Variants in VGLL4 observed in about 807,000 individuals in gnomAD.
The protein encoded by VGLL4 is vestigial like family member 4.
A neutral mutation model predicts 21.0 loss-of-function variants in VGLL4; 7 were observed. The observed-to-expected ratio is 0.33, with a 90% CI of 0.19 to 0.63. The LOEUF is 0.63. Ranked by LOEUF, VGLL4 falls within the 20% of genes least tolerant of loss-of-function variation. The probability of loss-of-function intolerance (pLI) is 0.78; values close to 1 mark genes in which losing one functional copy is unlikely to be tolerated. For synonymous variants in VGLL4, 222 were observed against 173.2 expected (o/e 1.28, Z -2.21); for missense variants, 394 against 425.7 (o/e 0.93, Z 0.66).
At position 11,686,855 on chromosome 3, in the gene VGLL4, G is replaced by T. The variant is rs570098885; in HGVS notation, c.64+16116C>A. On this transcript the variant is annotated intron_variant, in intron 2 of 5. Coordinates refer to the VGLL4 transcript ENST00000273038. Reference sequence around the variant, plus strand: ...AATCCATTGGTGGTTCCTAAAATAGGTTGAATAGATTATAACCACCATTAT... The same window carrying T: ...AATCCATTGGTGGTTCCTAAAATAGTTTGAATAGATTATAACCACCATTAT... Among the ~76,000 whole-genome samples, 5 of 152,194 alleles carry T rather than the reference G, an allele frequency of 3.3e-5. No homozygotes were observed. The East Asian group carries it at 9.7e-4, about 29-fold the overall frequency.
chr3:11,570,939 C>T lies in VGLL4; in HGVS notation c.273-5920G>A, dbSNP rs535459886. ...TGAGCAACAAGGTGCCTGGGTGTGT[C>T]CCCAAGACATCCTGGTCAAGCTGCG... On this transcript the variant is annotated intron_variant, in intron 2 of 4. Coordinates refer to ENST00000430365, the MANE Select transcript of VGLL4 (RefSeq NM_001128219.3). 3.3e-4 allele frequency among the ~76,000 whole-genome samples: 51 copies of T among 152,298 alleles called. 2 individuals are homozygous for T. In the Middle Eastern group the frequency reaches 0.02, roughly 61 times the overall value.
At chr3:11,707,063 C>T (rs2076770778) in intron 1 of VGLL4, among the ~76,000 whole-genome samples, 1 of 151,904 alleles carries the variant, frequency 6.6e-6, no homozygotes, top group African/African-American at 2.4e-5. Context: ...CGCCTATAGT[C>T]CCAGCACTTT....
At chr3:11,559,245 C>T in intron 4 of VGLL4, 87 bp downstream of exon 4, 2 of 1,452,364 alleles carry the variant, frequency 1.4e-6, no homozygotes, top group Non-Finnish European at 9.1e-7. Context: ...GGCTCAGGGG[C>T]GAGAGGTTTC....
chr3:11,601,714 T>C, intron 2 of VGLL4, 119 bp downstream of exon 2: 3 of 1,241,810 alleles, frequency 2.4e-6, no homozygotes, highest in Non-Finnish European at 2.3e-6. Flanking sequence ...CTTTTGTAAA[T>C]AATATCCTTT....
Position 11,586,640 on chromosome 3 carries a change from G to C in VGLL4, c.272+15193C>G, listed in dbSNP as rs553761877. On this transcript the variant is annotated intron_variant, in intron 2 of 4. Transcript: ENST00000430365. ...TAAGCTAGAGGTGACTTAAGTATACGAGAGGATTTCCATAGGTTATCTGCA... is the reference window on the plus strand; with the variant it reads ...TAAGCTAGAGGTGACTTAAGTATACCAGAGGATTTCCATAGGTTATCTGCA... 3.0e-4 allele frequency among the ~76,000 whole-genome samples: 46 copies of C among 152,310 alleles called. 1 individual carries two copies. The highest frequency in any genetic ancestry group is 1.1e-3 in the African/African-American group (45 of 41,572).
At chr3:11,671,149 A>G in intron 2 of VGLL4, 1 of 1,224,344 alleles carries the variant, frequency 8.2e-7, no homozygotes, top group Non-Finnish European at 1.1e-6. Flanking sequence ...TGAAGTAATG[A>G]GGCTTTAGAT....
Position 11,567,097 on chromosome 3 carries a change from C to T in VGLL4, c.273-2078G>A, listed in dbSNP as rs537420355. The stretch of plus-strand genomic sequence containing the variant: ...ACCAGAGGGGGCCTGAGTGCAGCCT[C>T]GGCTGTGATGTTGTGATGTCATTCT... On this transcript the variant is annotated intron_variant, in intron 2 of 4. Transcript: ENST00000430365. Among the ~76,000 whole-genome samples, 56 of 152,222 alleles carry T rather than the reference C, an allele frequency of 3.7e-4. 2 individuals are homozygous for T. In the Middle Eastern group the frequency reaches 0.02, roughly 55 times the overall value.
At chr3:11,614,716 G>A (rs1048414152) in intron 1 of VGLL4, among the ~76,000 whole-genome samples, 4 of 152,148 alleles carry the variant, frequency 2.6e-5, no homozygotes, top group East Asian at 1.9e-4. Context: ...AATAGGACAC[G>A]AAGTTCAAAG....
rs59265020 is a variant in VGLL4 at position 11,605,280 on chromosome 3, CG to C, written c.83-3259del. Among the ~76,000 whole-genome samples, 17 of 65,352 alleles carry C rather than the reference CG, an allele frequency of 2.6e-4. 2 individuals carry two copies. The highest frequency in any genetic ancestry group is 1.4e-3 in the African/African-American group (17 of 12,288). The allele number at this position is 65,352 out of a possible 152,430, so 42.9% of individuals were successfully genotyped here. On this transcript the variant is annotated intron_variant, in intron 1 of 4. Coordinates refer to ENST00000430365, the MANE Select transcript of VGLL4 (RefSeq NM_001128219.3). The stretch of plus-strand genomic sequence containing the variant: ...GCTCTGTGAATTCCATCTTCCAAAG[CG>C]CCCCCACGCCCACCCCCCACCCCCA...
At chr3:11,609,428 A>G (rs1380260916) in intron 1 of VGLL4, among the ~76,000 whole-genome samples, 1 of 152,208 alleles carries the variant, frequency 6.6e-6, no homozygotes, top group East Asian at 1.9e-4. Flanking sequence ...TGATTAAGGG[A>G]GATTTCATTA....
chr3:11,597,255 C>A (rs942946431), intron 2 of VGLL4, among the ~76,000 whole-genome samples: 8 of 151,942 alleles, frequency 5.3e-5, no homozygotes, highest in African/African-American at 1.9e-4. Flanking sequence ...AAAAAAAAAA[C>A]TTACTGATTT....
chr3:11,664,344 T>C (rs1244487497), intron 2 of VGLL4, among the ~76,000 whole-genome samples: 2 of 152,044 alleles, frequency 1.3e-5, no homozygotes, highest in Admixed American at 6.6e-5. Context: ...TACTTTTGGA[T>C]AGGGAGGTAA....
At chr3:11,605,294 C>A (rs1193922842) in intron 1 of VGLL4, among the ~76,000 whole-genome samples, 1 of 87,550 alleles carries the variant, frequency 1.1e-5, no homozygotes, top group Non-Finnish European at 2.1e-5. Flanking sequence ...CCCACGCCCA[C>A]CCCCCACCCC....
intron 2 of VGLL4, among the ~76,000 whole-genome samples, chr3:11,596,842 A>AT (rs1228896710): frequency 6.6e-6 from 1 of 152,002 alleles, no homozygotes; most frequent in African/African-American, 2.4e-5. Flanking sequence ...CATAGTAACA[A>AT]TAAGTTACCA....
chr3:11,622,660 T>A (rs1466588502), intron 1 of VGLL4, among the ~76,000 whole-genome samples: 1 of 152,270 alleles, frequency 6.6e-6, no homozygotes. Flanking sequence ...ATTAAATGGA[T>A]GAGTGGTTTG....
intron 2 of VGLL4, among the ~76,000 whole-genome samples, chr3:11,567,892 C>T (rs887955957): frequency 6.6e-6 from 1 of 152,324 alleles, no homozygotes; most frequent in African/African-American, 2.4e-5. Context: ...GATGCTTCCA[C>T]GGGCCACTTC....
chr3:11,578,826 C>T (rs1192569374), intron 2 of VGLL4, among the ~76,000 whole-genome samples: 42 of 137,054 alleles, frequency 3.1e-4, no homozygotes, highest in Non-Finnish European at 5.8e-4. Flanking sequence ...CTCTGCTCAT[C>T]GCAAGCTCCA....
At chr3:11,598,237 G>A (rs2074695266) in intron 2 of VGLL4, among the ~76,000 whole-genome samples, 1 of 136,152 alleles carries the variant, frequency 7.3e-6, no homozygotes, top group African/African-American at 2.6e-5. Flanking sequence ...ATATTGATCA[G>A]TCTGGTCTCA....
At chr3:11,709,435 TAAAA>T (rs58100629) in intron 1 of VGLL4, among the ~76,000 whole-genome samples, 1 of 108,836 alleles carries the variant, frequency 9.2e-6, no homozygotes, top group African/African-American at 3.4e-5. Context: ...AGACTCCGTC[TAAAA>T]AAAAAAAAAA....
Sources: gnomAD v4.1 joint callset for allele counts (sites outside exome capture counted in the v4.1 genomes callset) on GRCh38, gnomAD v4.1.1 for gene constraint, MANE v1.5 for transcripts, NCBI Gene and HGNC (gene_info 2026-07-23, HGNC 2026-07-21) for gene names.